MGMT: variants seen among roughly 807,000 people sequenced by gnomAD.
MGMT encodes the protein methylated-DNA--protein-cysteine methyltransferase.
A neutral mutation model predicts 15.9 loss-of-function variants in MGMT; 14 were observed. The observed-to-expected ratio is 0.88, with a 90% CI of 0.58 to 1.37. MGMT has a LOEUF of 1.37. Among genes scored for constraint, MGMT ranks in the 40% most tolerant of loss-of-function variants. The pLI, the probability that MGMT is intolerant of heterozygous loss-of-function variation, is 0.00. For synonymous variants in MGMT, 130 were observed against 118.2 expected (o/e 1.10, Z -0.65); for missense variants, 282 against 268.1 (o/e 1.05, Z -0.36).
At chr10:129,753,337 CATCTTAA>C (rs1848770083) in intron 3 of MGMT, among the ~76,000 whole-genome samples, 1 of 152,092 alleles carries the variant, frequency 6.6e-6, no homozygotes, top group Non-Finnish European at 1.5e-5. Context: ...GTTTTTTGGG[CATCTTAA>C]ATCTACAGTT....
chr10:129,600,748 C>T (rs1002132123), intron 2 of MGMT, among the ~76,000 whole-genome samples: 1 of 152,142 alleles, frequency 6.6e-6, no homozygotes, highest in Non-Finnish European at 1.5e-5. Flanking sequence ...TATGACCTGC[C>T]GAGGTGGCCA....
At chr10:129,719,382 C>T (rs1848341306) in intron 3 of MGMT, among the ~76,000 whole-genome samples, 1 of 152,256 alleles carries the variant, frequency 6.6e-6, no homozygotes, top group Non-Finnish European at 1.5e-5. Context: ...CCTCGGGAAA[C>T]ACTCTTAGCC....
chr10:129,511,138 C>T (rs974236947), intron 1 of MGMT, among the ~76,000 whole-genome samples: 5 of 141,178 alleles, frequency 3.5e-5, no homozygotes, highest in Non-Finnish European at 6.0e-5. Flanking sequence ...GATGCAGGCA[C>T]GTGCTTCATG....
At chr10:129,468,680 T>C (rs995999951) in intron 1 of MGMT, among the ~76,000 whole-genome samples, 1 of 151,378 alleles carries the variant, frequency 6.6e-6, no homozygotes, top group African/African-American at 2.4e-5. Flanking sequence ...AAGTCAGGAG[T>C]TTGAGACCAG....
intron 2 of MGMT, among the ~76,000 whole-genome samples, chr10:129,657,674 A>ACACACACAC (rs71478948): frequency 1.1e-5 from 1 of 93,458 alleles, no homozygotes; most frequent in Non-Finnish European, 2.3e-5. Context: ...CAGCTCCTCC[A>ACACACACAC]ACACACACAC....
At chr10:129,754,033 T>C (rs1300207185) in intron 3 of MGMT, among the ~76,000 whole-genome samples, 3 of 152,154 alleles carry the variant, frequency 2.0e-5, no homozygotes, top group Non-Finnish European at 4.4e-5. Context: ...TTAACATCAG[T>C]TCTTTTGTGC....
At chr10:129,495,981 G>C (rs58738591) in intron 1 of MGMT, among the ~76,000 whole-genome samples, 7,691 of 152,250 alleles carry the variant, frequency 0.051, 551 homozygotes, top group African/African-American at 0.16. Flanking sequence ...AGACATTCCT[G>C]GAGGTCCCTG....
At chr10:129,646,396 A>G (rs1847388920) in intron 2 of MGMT, among the ~76,000 whole-genome samples, 1 of 152,134 alleles carries the variant, frequency 6.6e-6, no homozygotes, top group African/African-American at 2.4e-5. Context: ...TAGGGAGCCT[A>G]CATGGCACCT....
At chr10:129,750,592 C>G (rs571440305) in intron 3 of MGMT, among the ~76,000 whole-genome samples, 7 of 152,188 alleles carry the variant, frequency 4.6e-5, no homozygotes, top group Non-Finnish European at 8.8e-5. Flanking sequence ...ATTTACATAG[C>G]ATTTACATTA....
At chr10:129,742,389 G>A (rs368927530) in intron 3 of MGMT, among the ~76,000 whole-genome samples, 11 of 152,362 alleles carry the variant, frequency 7.2e-5, no homozygotes, top group East Asian at 1.9e-4. Flanking sequence ...ACCTCGGTGC[G>A]CGACCCGGGG....
chr10:129,711,204 T>A (rs1330297168), intron 3 of MGMT, among the ~76,000 whole-genome samples: 1 of 152,248 alleles, frequency 6.6e-6, no homozygotes, highest in Non-Finnish European at 1.5e-5. Context: ...GGAACGAACA[T>A]GCTGTTTGTG....
chr10:129,655,102 G>A (rs546515420), intron 2 of MGMT, among the ~76,000 whole-genome samples: 19 of 152,312 alleles, frequency 1.2e-4, no homozygotes, highest in South Asian at 6.2e-4. Context: ...GTTTAAGGAC[G>A]TTTGTGCACC....
chr10:129,488,023 A>G (rs1275989167), intron 1 of MGMT, among the ~76,000 whole-genome samples: 1 of 151,498 alleles, frequency 6.6e-6, no homozygotes, highest in Non-Finnish European at 1.5e-5. Flanking sequence ...ACACACACAC[A>G]CACACACACA....
At chr10:129,746,569 A>G (rs1386705674) in intron 3 of MGMT, among the ~76,000 whole-genome samples, 3 of 152,124 alleles carry the variant, frequency 2.0e-5, no homozygotes, top group Admixed American at 1.3e-4. Flanking sequence ...TTTGAAAATA[A>G]TATGCTTTCT....
At chr10:129,636,414 G>T (rs1425684106) in intron 2 of MGMT, among the ~76,000 whole-genome samples, 1 of 152,210 alleles carries the variant, frequency 6.6e-6, no homozygotes, top group African/African-American at 2.4e-5. Flanking sequence ...TTGAAAAGGG[G>T]TCTTTGCAAT....
chr10:129,618,063 G>T (rs1847048696), intron 2 of MGMT, among the ~76,000 whole-genome samples: 1 of 152,038 alleles, frequency 6.6e-6, no homozygotes, highest in African/African-American at 2.4e-5. Context: ...AGGCATCTCT[G>T]AAATTTCTCA....
In MGMT at chr10:129,645,232, G is replaced by A. The variant is rs181832401; in HGVS notation, c.126-62663G>A. Among the ~76,000 whole-genome samples, 67 of 150,664 alleles carry A rather than the reference G, an allele frequency of 4.4e-4. 2 individuals are homozygous for A. In the East Asian group the frequency reaches 0.011, roughly 25 times the overall value. On this transcript the variant is annotated intron_variant, in intron 2 of 4. Coordinates refer to ENST00000651593, the MANE Select transcript of MGMT (RefSeq NM_002412.5). ...CCTCCTGGGTTCAAGCGATTCTGCTGCCTCAGCCTCCTGAGCAGCTGGGTT... is the reference window on the plus strand; with the variant it reads ...CCTCCTGGGTTCAAGCGATTCTGCTACCTCAGCCTCCTGAGCAGCTGGGTT...
At chr10:129,558,062 A>G (rs1846235158) in intron 2 of MGMT, among the ~76,000 whole-genome samples, 1 of 152,114 alleles carries the variant, frequency 6.6e-6, no homozygotes, top group Non-Finnish European at 1.5e-5. Flanking sequence ...CCCCCGTAAC[A>G]CCACATCATC....
chr10:129,538,070 G>A (rs1478243325), intron 2 of MGMT, among the ~76,000 whole-genome samples: 1 of 152,124 alleles, frequency 6.6e-6, no homozygotes, highest in Non-Finnish European at 1.5e-5. Flanking sequence ...GTTAATTTTA[G>A]TGGGGGGAGC....
Sources: gnomAD v4.1 joint callset for allele counts (sites outside exome capture counted in the v4.1 genomes callset) on GRCh38, gnomAD v4.1.1 for gene constraint, MANE v1.5 for transcripts, NCBI Gene and HGNC (gene_info 2026-07-23, HGNC 2026-07-21) for gene names.